Variants in CNBD1 observed in about 807,000 individuals in gnomAD.
CNBD1 encodes the protein cyclic nucleotide binding domain containing 1.
Under a neutral mutation model 54.4 loss-of-function variants are expected in CNBD1, and 71 were observed. That is an observed-to-expected ratio of 1.30 (90% CI 1.08 to 1.59). CNBD1 has a LOEUF of 1.59. Among genes scored for constraint, CNBD1 ranks in the 40% most tolerant of loss-of-function variants. The probability of loss-of-function intolerance (pLI) is 0.00; values close to 1 mark genes in which losing one functional copy is unlikely to be tolerated. For synonymous variants in CNBD1, 182 were observed against 170.7 expected (o/e 1.07, Z -0.51); for missense variants, 659 against 518.0 (o/e 1.27, Z -2.64).
intron 2 of CNBD1, among the ~76,000 whole-genome samples, chr8:86,897,298 A>G (rs938270388): frequency 6.6e-5 from 10 of 152,236 alleles, no homozygotes; most frequent in Non-Finnish European, 1.0e-4. Flanking sequence ...TTTGAAACAT[A>G]TGGGTGTTTA....
At chr8:87,155,549 G>T (rs978372405) in intron 4 of CNBD1, among the ~76,000 whole-genome samples, 3 of 152,176 alleles carry the variant, frequency 2.0e-5, no homozygotes, top group African/African-American at 7.2e-5. Context: ...TTAGGAGACT[G>T]ATTAGATGTA....
At chr8:87,181,556 G>A (rs990892413) in intron 4 of CNBD1, among the ~76,000 whole-genome samples, 2 of 152,122 alleles carry the variant, frequency 1.3e-5, no homozygotes, top group African/African-American at 4.8e-5. Flanking sequence ...AGTCTGTAAA[G>A]CTGTCACCTC....
chr8:87,328,394 T>C (rs751962376), intron 8 of CNBD1, among the ~76,000 whole-genome samples: 20 of 152,114 alleles, frequency 1.3e-4, no homozygotes, highest in Non-Finnish European at 2.5e-4. Context: ...AATTATTGTG[T>C]ATAATTTTTT....
intron 8 of CNBD1, among the ~76,000 whole-genome samples, chr8:87,342,129 C>T (rs900153016): frequency 1.3e-5 from 2 of 152,012 alleles, no homozygotes; most frequent in Admixed American, 1.3e-4. Flanking sequence ...AAAAATTAGC[C>T]GGGCATGGTG....
chr8:87,201,235 A>T (rs1396155207), intron 4 of CNBD1, among the ~76,000 whole-genome samples: 1 of 152,150 alleles, frequency 6.6e-6, no homozygotes, highest in Non-Finnish European at 1.5e-5. Flanking sequence ...ACAGAAGAGA[A>T]CTTCCTTAAT....
At chr8:87,219,413 A>G (rs1230247432) in intron 5 of CNBD1, among the ~76,000 whole-genome samples, 1 of 152,182 alleles carries the variant, frequency 6.6e-6, no homozygotes, top group Non-Finnish European at 1.5e-5. Context: ...AGTCTTACTG[A>G]TAACAGTGTG....
intron 5 of CNBD1, among the ~76,000 whole-genome samples, chr8:87,223,968 T>C (rs1436306290): frequency 6.6e-6 from 1 of 152,220 alleles, no homozygotes; most frequent in Non-Finnish European, 1.5e-5. Context: ...ATTGTGGTTT[T>C]GATTTGCATT....
At chr8:87,383,020 G>T (rs1034774272), downstream of CNBD1, among the ~76,000 whole-genome samples, 1 of 151,810 alleles carries the variant, frequency 6.6e-6, no homozygotes, top group East Asian at 1.9e-4. Context: ...TTGGATTGAG[G>T]ACCACATGTG....
intron 4 of CNBD1, among the ~76,000 whole-genome samples, chr8:87,114,900 C>T (rs543929663): frequency 6.6e-6 from 1 of 152,230 alleles, no homozygotes; most frequent in South Asian, 2.1e-4. Context: ...TAACTACTTC[C>T]CTTTAGGAGG....
At chr8:86,954,221 T>A (rs1352316109) in intron 4 of CNBD1, among the ~76,000 whole-genome samples, 1 of 152,238 alleles carries the variant, frequency 6.6e-6, no homozygotes, top group African/African-American at 2.4e-5. Context: ...CTTGCATTAG[T>A]CTATTAATGT....
At chr8:87,176,856 G>T (rs1289153341) in intron 4 of CNBD1, among the ~76,000 whole-genome samples, 1 of 151,946 alleles carries the variant, frequency 6.6e-6, no homozygotes, top group Non-Finnish European at 1.5e-5. Flanking sequence ...CATATTTTAT[G>T]AAAGTAAATC....
chr8:87,039,341 G>T (rs559165868), intron 4 of CNBD1, among the ~76,000 whole-genome samples: 1 of 152,114 alleles, frequency 6.6e-6, no homozygotes, highest in South Asian at 2.1e-4. Flanking sequence ...AATTTACTCA[G>T]TGGATCATAT....
At chr8:87,159,004 A>T (rs759566169) in intron 4 of CNBD1, among the ~76,000 whole-genome samples, 9 of 152,164 alleles carry the variant, frequency 5.9e-5, no homozygotes, top group Non-Finnish European at 1.3e-4. Flanking sequence ...AGGCTTATGG[A>T]ATCCATTATT....
At chr8:87,107,568 T>A (rs567766962) in intron 4 of CNBD1, among the ~76,000 whole-genome samples, 1 of 152,382 alleles carries the variant, frequency 6.6e-6, no homozygotes, top group South Asian at 2.1e-4. Flanking sequence ...TTTGCAATTA[T>A]TTTGTTTTAT....
chr8:87,280,953 G>A (rs1469583514), intron 6 of CNBD1, among the ~76,000 whole-genome samples: 3 of 150,804 alleles, frequency 2.0e-5, no homozygotes, highest in Non-Finnish European at 4.4e-5. Context: ...GATTATCTAT[G>A]TAGCCTTAAT....
At chr8:87,055,321 C>T (rs1440417206) in intron 4 of CNBD1, among the ~76,000 whole-genome samples, 2 of 152,184 alleles carry the variant, frequency 1.3e-5, no homozygotes, top group Admixed American at 6.5e-5. Flanking sequence ...CTTCTCTTAT[C>T]TGAAAAGCTG....
intron 10 of CNBD1, among the ~76,000 whole-genome samples, chr8:87,361,088 C>T (rs1055716487): frequency 3.3e-5 from 5 of 151,908 alleles, no homozygotes; most frequent in East Asian, 1.9e-4. Flanking sequence ...AGGGAATACA[C>T]GACTCTTTCC....
intron 5 of CNBD1, among the ~76,000 whole-genome samples, chr8:87,225,762 G>C (rs1057284416): frequency 6.6e-6 from 1 of 150,582 alleles, no homozygotes; most frequent in Non-Finnish European, 1.5e-5. Context: ...CATAAAATGA[G>C]TTAGGGAGGA....
chr8:86,889,946 T>C (rs1350013723), intron 2 of CNBD1, among the ~76,000 whole-genome samples: 1 of 152,096 alleles, frequency 6.6e-6, no homozygotes, highest in East Asian at 1.9e-4. Context: ...TTTTTAACTA[T>C]TGTCTGGAGA....
Sources: allele counts gnomAD v4.1 joint callset (sites outside exome capture counted in the v4.1 genomes callset), GRCh38; gene constraint gnomAD v4.1.1; transcripts MANE v1.5; gene names NCBI Gene and HGNC (gene_info 2026-07-23, HGNC 2026-07-21).